IL1RAPL1: variants seen among roughly 807,000 people sequenced by gnomAD.
IL1RAPL1 encodes the protein interleukin-1 receptor accessory protein-like 1.
Under a neutral mutation model 48.4 loss-of-function variants are expected in IL1RAPL1, and 3 were observed. That is an observed-to-expected ratio of 0.06 (90% confidence interval 0.03 to 0.16). The LOEUF (loss-of-function observed/expected upper bound fraction) is 0.16, where lower values mean the gene tolerates loss of function less well. Ranked by LOEUF, IL1RAPL1 falls within the 10% of genes least tolerant of loss-of-function variation. The probability of loss-of-function intolerance (pLI) is 1.00; values close to 1 mark genes in which losing one functional copy is unlikely to be tolerated. For missense variants in IL1RAPL1, 349 were observed against 530.6 expected, an observed-to-expected ratio of 0.66 and a Z score of 3.36; for synonymous variants, 185 against 187.7, an observed-to-expected ratio of 0.99 and a Z score of 0.12.
rs112766927 is a variant in IL1RAPL1 at position 29,843,373 on chromosome X, A to G, written c.779-74091A>G. 5.1e-3 allele frequency among the ~76,000 whole-genome samples: 575 copies of G among 112,112 alleles called. 3 individuals carry two copies. Among genetic ancestry groups the G allele is most frequent in the African/African-American group, 0.018 (554 of 30,891 alleles). ...TGGAAATCTATTGGAAAATATATAC[A>G]TTTGTCTTATCTTCTGATTTGTTAA... is the stretch of plus-strand genomic sequence containing the variant. On this transcript the variant is annotated intron_variant, in intron 6 of 10. Transcript: ENST00000378993.
intron 3 of IL1RAPL1, among the ~76,000 whole-genome samples, chrX:29,376,269 C>T (rs1281373370): frequency 2.7e-5 from 3 of 111,507 alleles, no homozygotes; most frequent in African/African-American, 9.7e-5. Flanking sequence ...AGATATATCC[C>T]GATTTTCATT....
At chrX:29,680,047 T>A (rs1280876933) in intron 6 of IL1RAPL1, among the ~76,000 whole-genome samples, 4 of 112,028 alleles carry the variant, frequency 3.6e-5, no homozygotes, top group African/African-American at 1.3e-4. Context: ...AAGCAAAGGT[T>A]AATTTGGGGA....
chrX:29,103,845 A>T (rs146610231), intron 2 of IL1RAPL1, among the ~76,000 whole-genome samples: 1 of 112,301 alleles, frequency 8.9e-6, no homozygotes, highest in Non-Finnish European at 1.9e-5. Context: ...GAAGACAAGT[A>T]AATGGTAAAT....
intron 6 of IL1RAPL1, among the ~76,000 whole-genome samples, chrX:29,753,378 A>G (rs1277212096): frequency 1.8e-5 from 2 of 111,720 alleles, no homozygotes; most frequent in Non-Finnish European, 1.9e-5. Context: ...CCCAACATTT[A>G]ATGACCTGAA....
chrX:29,241,727 G>A (rs752313755), intron 2 of IL1RAPL1, among the ~76,000 whole-genome samples: 1 of 111,771 alleles, frequency 8.9e-6, no homozygotes, highest in African/African-American at 3.2e-5. Context: ...AATATGAAGG[G>A]GCCTTAAAAA....
intron 1 of IL1RAPL1, among the ~76,000 whole-genome samples, chrX:28,697,196 T>A (rs936062491): frequency 9.0e-6 from 1 of 111,261 alleles, no homozygotes; most frequent in Non-Finnish European, 1.9e-5. Context: ...AATTTAAATA[T>A]CCTGCCAGTT....
chrX:29,186,218 C>T (rs1484101316), intron 2 of IL1RAPL1, among the ~76,000 whole-genome samples: 1 of 111,846 alleles, frequency 8.9e-6, no homozygotes, highest in East Asian at 2.8e-4. Flanking sequence ...CAGCTAGATA[C>T]ATGCAGCAGA....
intron 9 of IL1RAPL1, among the ~76,000 whole-genome samples, chrX:29,944,280 A>G (rs1332664980): frequency 1.8e-5 from 2 of 111,338 alleles, no homozygotes; most frequent in African/African-American, 6.5e-5. Flanking sequence ...TAGAACCGCA[A>G]TCACATGTTC....
chrX:29,932,606 G>A (rs763731971), intron 8 of IL1RAPL1, among the ~76,000 whole-genome samples: 1 of 111,375 alleles, frequency 9.0e-6, no homozygotes, highest in African/African-American at 3.3e-5. Flanking sequence ...GTCATTCTGT[G>A]TCTGACCCCT....
chrX:29,294,518 G>GA (rs764285236), intron 3 of IL1RAPL1, among the ~76,000 whole-genome samples: 168 of 68,367 alleles, frequency 2.5e-3, no homozygotes, highest in African/African-American at 2.7e-3. Context: ...CTCCATCTCA[G>GA]AAAAAAAAAA....
chrX:28,885,871 G>A (rs1922614701), intron 2 of IL1RAPL1, among the ~76,000 whole-genome samples: 1 of 111,350 alleles, frequency 9.0e-6, no homozygotes, highest in Non-Finnish European at 1.9e-5. Flanking sequence ...AGATATAATA[G>A]ATACAAACCA....
At chrX:28,995,958 A>G (rs1358276013) in intron 2 of IL1RAPL1, among the ~76,000 whole-genome samples, 2 of 111,134 alleles carry the variant, frequency 1.8e-5, no homozygotes, top group Non-Finnish European at 3.8e-5. Context: ...TAATTTACAT[A>G]CTATATAATT....
intron 2 of IL1RAPL1, among the ~76,000 whole-genome samples, chrX:28,957,207 G>A (rs1025030763): frequency 1.4e-4 from 16 of 110,754 alleles, no homozygotes; most frequent in Admixed American, 9.7e-4. Context: ...TGGGTGCAGC[G>A]CACCAGCATG....
chrX:29,056,194 G>C (rs1435062387), intron 2 of IL1RAPL1, among the ~76,000 whole-genome samples: 1 of 111,389 alleles, frequency 9.0e-6, no homozygotes, highest in Non-Finnish European at 1.9e-5. Context: ...GAACTCATTA[G>C]ACATAGAATT....
intron 2 of IL1RAPL1, among the ~76,000 whole-genome samples, chrX:29,170,986 G>C (rs1448947943): frequency 1.8e-5 from 2 of 110,972 alleles, no homozygotes; most frequent in Non-Finnish European, 3.8e-5. Context: ...TGCACCCAGT[G>C]TTGTGGGATT....
chrX:29,902,917 A>AT (rs760560228), intron 6 of IL1RAPL1, among the ~76,000 whole-genome samples: 96 of 111,355 alleles, frequency 8.6e-4, no homozygotes, highest in African/African-American at 3.1e-3. Flanking sequence ...TCCTCTTGTG[A>AT]TTTTGTCTCC....
At chrX:28,892,173 G>C (rs1385971508) in intron 2 of IL1RAPL1, among the ~76,000 whole-genome samples, 1 of 110,884 alleles carries the variant, frequency 9.0e-6, no homozygotes, top group Admixed American at 9.7e-5. Flanking sequence ...GAGCAATAAA[G>C]CTTTTTAATC....
At chrX:29,118,211 A>G (rs921696099) in intron 2 of IL1RAPL1, among the ~76,000 whole-genome samples, 4 of 112,444 alleles carry the variant, frequency 3.6e-5, no homozygotes, top group Non-Finnish European at 7.5e-5. Flanking sequence ...TAAATGTAGC[A>G]GTGAGATATT....
chrX:29,905,932 G>GAATT (rs1005914619), intron 6 of IL1RAPL1, among the ~76,000 whole-genome samples: 3 of 111,332 alleles, frequency 2.7e-5, no homozygotes, highest in Non-Finnish European at 3.8e-5. Context: ...ATGTTGAGAT[G>GAATT]AATTGTAAAT....
Sources: gnomAD v4.1 joint callset for allele counts (sites outside exome capture counted in the v4.1 genomes callset) on GRCh38, gnomAD v4.1.1 for gene constraint, MANE v1.5 for transcripts, NCBI Gene and HGNC (gene_info 2026-07-23, HGNC 2026-07-21) for gene names.